The following PACRG variants were observed in gnomAD, a reference collection of about 807,000 sequenced individuals.
The protein encoded by PACRG is parkin coregulated gene protein.
Under a neutral mutation model 29.7 loss-of-function variants are expected in PACRG, and 29 were observed. The ratio of observed to expected loss-of-function variants is 0.98; its 90% confidence interval spans 0.73 to 1.33. The LOEUF (loss-of-function observed/expected upper bound fraction) is 1.33. Among genes scored for constraint, PACRG ranks in the 40% most tolerant of loss-of-function variants. The probability of loss-of-function intolerance (pLI) is 0.00; values close to 1 mark genes in which losing one functional copy is unlikely to be tolerated. For synonymous variants in PACRG, 116 were observed against 118.7 expected, an observed-to-expected ratio of 0.98 and a Z score of 0.15; for missense variants, 279 against 316.2, an observed-to-expected ratio of 0.88 and a Z score of 0.89.
At chr6:163,038,066 T>C (rs978554076) in intron 2 of PACRG, among the ~76,000 whole-genome samples, 2 of 152,224 alleles carry the variant, frequency 1.3e-5, no homozygotes, top group East Asian at 1.9e-4. Context: ...TTATTTACCA[T>C]AGGCAGCTGA....
chr6:162,762,258 A>G (rs1782433983), intron 1 of PACRG, among the ~76,000 whole-genome samples: 1 of 152,198 alleles, frequency 6.6e-6, no homozygotes, highest in East Asian at 1.9e-4. Flanking sequence ...AAACCAAGAA[A>G]GAGTTCAGCA....
intron 4 of PACRG, among the ~76,000 whole-genome samples, chr6:163,238,612 T>C (rs1782339197): frequency 6.6e-6 from 1 of 152,354 alleles, no homozygotes; most frequent in East Asian, 1.9e-4. Flanking sequence ...CTGCCCCACA[T>C]GGGGCATTTT....
intron 3 of PACRG, among the ~76,000 whole-genome samples, chr6:163,082,040 G>C (rs1433021727): frequency 6.6e-6 from 1 of 151,866 alleles, no homozygotes; most frequent in East Asian, 1.9e-4. Context: ...ATCCAGTAAG[G>C]GAATTAAATA....
At chr6:162,882,779 T>C (rs547834392) in intron 2 of PACRG, among the ~76,000 whole-genome samples, 107 of 152,340 alleles carry the variant, frequency 7.0e-4, no homozygotes, top group African/African-American at 2.2e-3. Flanking sequence ...CTAACCCGAC[T>C]GTCCAGGAAG....
intron 2 of PACRG, among the ~76,000 whole-genome samples, chr6:162,970,862 A>C (rs1428793793): frequency 6.6e-6 from 1 of 152,218 alleles, no homozygotes; most frequent in African/African-American, 2.4e-5. Flanking sequence ...TGAGCCACGT[A>C]TCCTGACTGA....
At chr6:163,285,146 C>T (rs1187651793) in intron 4 of PACRG, among the ~76,000 whole-genome samples, 1 of 152,076 alleles carries the variant, frequency 6.6e-6, no homozygotes, top group Non-Finnish European at 1.5e-5. Flanking sequence ...TCACCTGACT[C>T]CTGCCTGCTT....
intron 4 of PACRG, among the ~76,000 whole-genome samples, chr6:163,150,425 G>T (rs1190045950): frequency 6.6e-6 from 1 of 152,156 alleles, no homozygotes; most frequent in East Asian, 1.9e-4. Context: ...TTACCTTCCT[G>T]CTCCCTCGCC....
chr6:162,982,369 T>G (rs1802510822), intron 2 of PACRG, among the ~76,000 whole-genome samples: 1 of 152,080 alleles, frequency 6.6e-6, no homozygotes, highest in Admixed American at 6.6e-5. Context: ...TGTTTGTTTC[T>G]CTAGTTCCTT....
intron 2 of PACRG, among the ~76,000 whole-genome samples, chr6:163,061,909 G>A (rs1337023488): frequency 6.6e-6 from 1 of 152,160 alleles, no homozygotes; most frequent in African/African-American, 2.4e-5. Flanking sequence ...CTGTCAATGT[G>A]CATTGTATGT....
At chr6:163,100,967 C>A in intron 4 of PACRG, 2 of 984,544 alleles carry the variant, frequency 2.0e-6, no homozygotes, top group South Asian at 9.4e-5. Context: ...TAATTATGAC[C>A]AAGTTCTGTT....
intron 2 of PACRG, among the ~76,000 whole-genome samples, chr6:163,059,093 A>AG (rs1449129583): frequency 6.6e-6 from 1 of 152,048 alleles, no homozygotes; most frequent in Admixed American, 6.5e-5. Context: ...AAAAAAAAAA[A>AG]AAGTTAAAAA....
At chr6:163,189,854 C>T (rs1245942162) in intron 4 of PACRG, 1 of 152,236 alleles carries the variant, frequency 6.6e-6, no homozygotes, top group East Asian at 1.9e-4. Flanking sequence ...AATGCTGACA[C>T]ACTGGTCACC....
chr6:162,866,353 C>T (rs1203887122), intron 2 of PACRG, among the ~76,000 whole-genome samples: 2 of 152,134 alleles, frequency 1.3e-5, no homozygotes, highest in Admixed American at 1.3e-4. Flanking sequence ...TCCCCTAGGC[C>T]CTACCGTCAC....
At chr6:163,026,326 T>A (rs571209535) in intron 2 of PACRG, among the ~76,000 whole-genome samples, 177 of 152,366 alleles carry the variant, frequency 1.2e-3, no homozygotes, top group Non-Finnish European at 2.1e-3. Flanking sequence ...CCTGCATATT[T>A]CACACTTATT....
At chr6:163,204,827 C>G (rs1227444686) in intron 4 of PACRG, among the ~76,000 whole-genome samples, 1 of 152,202 alleles carries the variant, frequency 6.6e-6, no homozygotes, top group African/African-American at 2.4e-5. Context: ...ACCCCATAGC[C>G]TCTGCTCAAG....
chr6:163,087,315 C>T (rs1813657561), intron 3 of PACRG, among the ~76,000 whole-genome samples: 1 of 148,062 alleles, frequency 6.8e-6, no homozygotes, highest in African/African-American at 2.5e-5. Context: ...AGGATGAAGA[C>T]CAGGACCAGA....
intron 2 of PACRG, among the ~76,000 whole-genome samples, chr6:162,829,012 A>G (rs1206243089): frequency 6.6e-6 from 1 of 152,238 alleles, no homozygotes; most frequent in Non-Finnish European, 1.5e-5. Flanking sequence ...ATATTTTGTG[A>G]GTTTATGCAA....
intron 4 of PACRG, among the ~76,000 whole-genome samples, chr6:163,184,426 C>A (rs928588830): frequency 2.6e-5 from 4 of 152,232 alleles, no homozygotes; most frequent in Non-Finnish European, 4.4e-5. Flanking sequence ...GTGGCCATGA[C>A]AAATTATGGT....
At chr6:163,068,564 A>C (rs1234211005) in intron 3 of PACRG, among the ~76,000 whole-genome samples, 3 of 150,758 alleles carry the variant, frequency 2.0e-5, no homozygotes, top group Non-Finnish European at 4.4e-5. Flanking sequence ...TTTATGTGTT[A>C]CTTCTTTAAC....
Sources: allele counts gnomAD v4.1 joint callset (sites outside exome capture counted in the v4.1 genomes callset), GRCh38; gene constraint gnomAD v4.1.1; transcripts MANE v1.5; gene names NCBI Gene and HGNC (gene_info 2026-07-23, HGNC 2026-07-21).